Variants in KPNA5 observed in about 807,000 individuals in gnomAD.
KPNA5 encodes the protein karyopherin subunit alpha 5, also known as importin subunit alpha-6.
In KPNA5, 46 loss-of-function variants were observed where a neutral mutation model predicts 71.3. The ratio of observed to expected loss-of-function variants is 0.65; its 90% CI spans 0.51 to 0.83. The LOEUF is 0.83. Ranked by LOEUF, KPNA5 falls within the 40% of genes least tolerant of loss-of-function variation. The pLI is 0.00. For missense variants in KPNA5, 547 were observed against 628.3 expected, an observed-to-expected ratio of 0.87 and a Z score of 1.38; for synonymous variants, 207 against 201.4, an observed-to-expected ratio of 1.03 and a Z score of -0.24.
intron 7 of KPNA5, among the ~76,000 whole-genome samples, chr6:116,708,813 T>A (rs1439073282): frequency 6.6e-6 from 1 of 152,180 alleles, no homozygotes; most frequent in Non-Finnish European, 1.5e-5. Context: ...TGAGACAGGG[T>A]CTTGCTCTGT....
At chr6:116,707,701 A>G (rs1400972275) in intron 7 of KPNA5, among the ~76,000 whole-genome samples, 1 of 152,240 alleles carries the variant, frequency 6.6e-6, no homozygotes, top group East Asian at 1.9e-4. Context: ...AATCTGTTGT[A>G]TTTTGGGGAA....
In KPNA5 at chr6:116,731,201, A is replaced by G. The variant is rs488511; in HGVS notation, c.1433-935A>G. Among the ~76,000 whole-genome samples, 994 of 152,250 alleles carry G rather than the reference A, an allele frequency of 6.5e-3. 11 individuals are homozygous for G. The highest frequency in any genetic ancestry group is 0.022 in the African/African-American group (899 of 41,570). On this transcript the variant is annotated intron_variant, in intron 13 of 13. Coordinates refer to ENST00000368564, the MANE Select transcript of KPNA5 (RefSeq NM_001366306.2). ...TTGCATTAAATATTCACTTTTCTGT[A>G]TTAAGTCCTCTTACATTGTATGGGT...
intron 5 of KPNA5, 41 bp downstream of exon 5, chr6:116,698,839 G>T: frequency 8.3e-7 from 1 of 1,209,536 alleles, no homozygotes; most frequent in South Asian, 1.4e-5. Context: ...CTCTAGAAAT[G>T]ACATGTTAAA....
intron 1 of KPNA5, among the ~76,000 whole-genome samples, chr6:116,685,981 A>C (rs9481655): frequency 0.028 from 4,301 of 152,200 alleles, 176 homozygotes; most frequent in African/African-American, 0.085. Context: ...GTCATGGCCA[A>C]TGTAGCCTTG....
At chr6:116,725,373 G>A (rs1779252888) in intron 10 of KPNA5, among the ~76,000 whole-genome samples, 1 of 152,150 alleles carries the variant, frequency 6.6e-6, no homozygotes, top group Non-Finnish European at 1.5e-5. Flanking sequence ...TGTAGAATTG[G>A]ATTTTCTCAG....
At chr6:116,702,720 A>G (rs1778276920) in intron 6 of KPNA5, among the ~76,000 whole-genome samples, 1 of 152,202 alleles carries the variant, frequency 6.6e-6, no homozygotes, top group South Asian at 2.1e-4. Context: ...CTAAAGTCAC[A>G]ACGAATGGCA....
At chr6:116,712,186 C>T (rs1778722770) in intron 7 of KPNA5, among the ~76,000 whole-genome samples, 1 of 152,092 alleles carries the variant, frequency 6.6e-6, no homozygotes, top group South Asian at 2.1e-4. Context: ...GGCGATCTAC[C>T]CACCTTAGCC....
In KPNA5 at chr6:116,702,157, C is replaced by T. The variant is rs775771386; in HGVS notation, c.567+7C>T. 5 of 1,611,374 alleles carry T rather than the reference C, an allele frequency of 3.1e-6. No homozygotes were observed. Among genetic ancestry groups the T allele is most frequent in the African/African-American group, 1.3e-5 (1 of 74,872 alleles). On this transcript the variant is annotated splice_region_variant and intron_variant, in intron 6 of 13. Coordinates refer to ENST00000368564, the MANE Select transcript of KPNA5 (RefSeq NM_001366306.2). The stretch of plus-strand genomic sequence containing the variant: ...TGAAGATGTTCAGGAACAGGTACGT[C>T]TCTAATTTGTATTGTTGTATGTACT...
chr6:116,718,274 T>G (rs1457129767), intron 8 of KPNA5, among the ~76,000 whole-genome samples: 2 of 150,532 alleles, frequency 1.3e-5, no homozygotes, highest in African/African-American at 4.9e-5. Context: ...TTCTTTTTTT[T>G]TTTTTTGAGA....
At chr6:116,730,084 A>T (rs1277985080) in intron 13 of KPNA5, among the ~76,000 whole-genome samples, 10 of 124,694 alleles carry the variant, frequency 8.0e-5, no homozygotes, top group East Asian at 2.3e-4. Flanking sequence ...AAAATATGTA[A>T]TTTTTTTTTT....
At chr6:116,722,364 A>C in intron 9 of KPNA5, 75 bp downstream of exon 9, 1 of 1,167,904 alleles carries the variant, frequency 8.6e-7, no homozygotes, top group Non-Finnish European at 1.2e-6. Flanking sequence ...TAGCTTTGTA[A>C]ATATCTCAAG....
At position 116,705,007 on chromosome 6, in the gene KPNA5, C is replaced by T. The variant is rs563537020; in HGVS notation, c.568-65C>T. The T allele has an allele frequency of 1.5e-5, 17 of 1,144,630 alleles. No homozygotes were observed. The South Asian group carries it at 2.4e-4, about 16-fold the overall frequency. The allele number at this position is 1,144,630 out of a possible 1,614,324, so 70.9% of individuals were successfully genotyped here. A position where few individuals can be genotyped will look rare whatever the true frequency, so the allele number is the denominator to read the frequency against. ...TGCTTTGTTCATTGTGTACTAAAATCTCATTCCTAAAGGAAAGCCTCTAAT... is the reference window on the plus strand; with the variant it reads ...TGCTTTGTTCATTGTGTACTAAAATTTCATTCCTAAAGGAAAGCCTCTAAT... On this transcript the variant is annotated intron_variant, in intron 6 of 13. Transcript: ENST00000368564.
chr6:116,692,539 C>G lies in KPNA5; in HGVS notation c.340+147C>G, dbSNP rs1453401950. The stretch of plus-strand genomic sequence containing the variant: ...TGCAAAATATATTGTAAAGTAACAT[C>G]CGTTTTTGAACATGATGTTACCAAA... On this transcript the variant is annotated intron_variant, in intron 4 of 13. Coordinates refer to ENST00000368564, the MANE Select transcript of KPNA5 (RefSeq NM_001366306.2). 6 of 574,048 alleles carry G rather than the reference C, an allele frequency of 1.0e-5. No homozygotes were observed. The Admixed American group carries it at 1.1e-4, about 11-fold the overall frequency. The allele number at this position is 574,048 out of a possible 1,614,324, so 35.6% of individuals were successfully genotyped here. A position where few individuals can be genotyped will look rare whatever the true frequency, so the allele number is the denominator to read the frequency against.
intron 1 of KPNA5, among the ~76,000 whole-genome samples, chr6:116,687,658 T>G (rs771447848): frequency 1.2e-4 from 18 of 152,330 alleles, no homozygotes; most frequent in Admixed American, 4.6e-4. Flanking sequence ...TATGTTATCT[T>G]GCCATACTAC....
At chr6:116,726,350 T>C in intron 11 of KPNA5, 145 bp from the exon 12 acceptor site, 1 of 634,564 alleles carries the variant, frequency 1.6e-6, no homozygotes. Context: ...AAAAGTTTGC[T>C]GACAGAATAG....
Position 116,702,041 on chromosome 6 carries a change from C to A in KPNA5, c.458C>A (p.Thr153Lys). The A allele has an allele frequency of 6.2e-7, 1 of 1,613,084 alleles. No individual in the cohort carries two copies. ...TLQFEAAWALTNIASGTFLHT... is the reference protein window; with the variant it reads ...TLQFEAAWALKNIASGTFLHT... ...TAGTTTGAAGCTGCATGGGCATTAA[C>A]AAATATAGCATCTGGAACTTTTCTG... The change falls in exon 6 of 14, where the codon ACA (threonine) becomes AAA (lysine). Residue 153 changes from threonine (T) to lysine (K), a missense_variant. Physicochemically the swap from Thr to Lys is moderately conservative, Grantham distance 78 (BLOSUM62 -1). Coordinates refer to ENST00000368564, the MANE Select transcript of KPNA5 (RefSeq NM_001366306.2).
chr6:116,723,593 T>A (rs1254356361), intron 9 of KPNA5, among the ~76,000 whole-genome samples: 2 of 152,138 alleles, frequency 1.3e-5, no homozygotes, highest in African/African-American at 4.8e-5. Context: ...CTGGGACAGT[T>A]TGTGCTTTGA....
At chr6:116,723,936 CAG>C in intron 9 of KPNA5, among the ~76,000 whole-genome samples, 1 of 152,192 alleles carries the variant, frequency 6.6e-6, no homozygotes, top group Non-Finnish European at 1.5e-5. Flanking sequence ...TGGGAAAAAA[CAG>C]ATTGGGATAT....
rs1191624119 is a variant in KPNA5 at position 116,710,901 on chromosome 6, T to A, written c.657-5318T>A. Among the ~76,000 whole-genome samples the A allele has an allele frequency of 5.3e-4, 42 of 79,746 alleles. 1 individual carries two copies. The highest frequency in any genetic ancestry group is 1.8e-3 in the South Asian group (4 of 2,254). The allele number at this position is 79,746 out of a possible 152,430, so 52.3% of individuals were successfully genotyped here. ...TATATATATATATATATATTTTTTT[T>A]TTTTTTTTTTTGAGTTGGAGTCTTG... On this transcript the variant is annotated intron_variant, in intron 7 of 13. Coordinates refer to ENST00000368564, the MANE Select transcript of KPNA5 (RefSeq NM_001366306.2).
Sources: gnomAD v4.1 joint callset for allele counts (sites outside exome capture counted in the v4.1 genomes callset) on GRCh38, gnomAD v4.1.1 for gene constraint, MANE v1.5 for transcripts, NCBI Gene and HGNC (gene_info 2026-07-23, HGNC 2026-07-21) for gene names.